RARB: variants seen among roughly 807,000 people sequenced by gnomAD.
RARB encodes the protein retinoic acid receptor beta.
RARB carries 17 observed loss-of-function variants against 51.9 expected under a neutral mutation model. That is an observed-to-expected ratio of 0.33 (90% CI 0.22 to 0.49). The LOEUF (loss-of-function observed/expected upper bound fraction) is 0.49. RARB is among the 20% of genes least tolerant of loss of function. The pLI is 0.99. For missense variants in RARB, 369 were observed against 550.8 expected, an observed-to-expected ratio of 0.67 and a Z score of 3.30; for synonymous variants, 215 against 195.4, an observed-to-expected ratio of 1.10 and a Z score of -0.84.
chr3:25,448,728 A>T (rs1179812334), intron 1 of RARB, among the ~76,000 whole-genome samples: 1 of 152,118 alleles, frequency 6.6e-6, no homozygotes, highest in East Asian at 1.9e-4. Context: ...TGGCCTCCCA[A>T]ACTGCTGAGA....
chr3:25,003,197 A>AAAAAAAAC (rs1470758111), intron 2 of RARB, among the ~76,000 whole-genome samples: 1 of 151,130 alleles, frequency 6.6e-6, no homozygotes, highest in East Asian at 1.9e-4. Flanking sequence ...CATAATGCAA[A>AAAAAAAAC]AAAAAAAAAA....
At chr3:25,115,267 C>A (rs537866896) in intron 3 of RARB, among the ~76,000 whole-genome samples, 2 of 152,220 alleles carry the variant, frequency 1.3e-5, no homozygotes, top group South Asian at 2.1e-4. Context: ...TAACATTTAA[C>A]ATAAATATTT....
chr3:24,885,423 T>C (rs1165009176), intron 2 of RARB, among the ~76,000 whole-genome samples: 1 of 152,202 alleles, frequency 6.6e-6, no homozygotes. Flanking sequence ...TGAGTTTTAA[T>C]GTTGCTGTAA....
At chr3:25,299,455 C>T (rs1703989720) in intron 5 of RARB, among the ~76,000 whole-genome samples, 1 of 152,100 alleles carries the variant, frequency 6.6e-6, no homozygotes, top group Admixed American at 6.5e-5. Flanking sequence ...CCACCTTGGC[C>T]TCCCAAATTG....
At chr3:25,368,425 T>G (rs1706195065) in intron 5 of RARB, among the ~76,000 whole-genome samples, 1 of 152,184 alleles carries the variant, frequency 6.6e-6, no homozygotes, top group Non-Finnish European at 1.5e-5. Flanking sequence ...TATATGTCAT[T>G]AAGATGTATA....
intron 3 of RARB, among the ~76,000 whole-genome samples, chr3:25,130,082 T>A (rs1559477069): frequency 4.6e-5 from 7 of 152,168 alleles, no homozygotes. Flanking sequence ...TAGGCAAAAA[T>A]GTTCTTTTCA....
At chr3:25,276,319 C>G (rs1703381791) in intron 5 of RARB, among the ~76,000 whole-genome samples, 1 of 152,110 alleles carries the variant, frequency 6.6e-6, no homozygotes, top group East Asian at 1.9e-4. Context: ...AATGTCTGTA[C>G]AGGTCTTTAG....
At chr3:25,043,156 C>G (rs1264738251) in intron 2 of RARB, among the ~76,000 whole-genome samples, 2 of 152,148 alleles carry the variant, frequency 1.3e-5, no homozygotes, top group Admixed American at 6.5e-5. Context: ...TCTCTTTCAT[C>G]TTTTTTTAAT....
chr3:25,409,250 T>C (rs1707495144), intron 5 of RARB, among the ~76,000 whole-genome samples: 1 of 152,178 alleles, frequency 6.6e-6, no homozygotes, highest in African/African-American at 2.4e-5. Flanking sequence ...AATTTTCACC[T>C]ATGTTTTCTT....
At chr3:25,314,547 C>G (rs1440669210) in intron 5 of RARB, among the ~76,000 whole-genome samples, 15 of 152,096 alleles carry the variant, frequency 9.9e-5, no homozygotes, top group Admixed American at 9.8e-4. Context: ...AGGTGAATGC[C>G]AGGTAAAATG....
At chr3:24,890,256 C>A (rs1270858089) in intron 2 of RARB, among the ~76,000 whole-genome samples, 2 of 152,136 alleles carry the variant, frequency 1.3e-5, no homozygotes, top group Non-Finnish European at 2.9e-5. Context: ...TCCTCTCTTC[C>A]CAGTTGGTGC....
chr3:25,136,829 T>C (rs1012573956), intron 4 of RARB, among the ~76,000 whole-genome samples: 6 of 151,882 alleles, frequency 4.0e-5, no homozygotes, highest in Non-Finnish European at 5.9e-5. Context: ...TCAGGAAACA[T>C]AGCGTTGGGG....
chr3:25,121,680 T>C (rs575761085), intron 3 of RARB, among the ~76,000 whole-genome samples: 4 of 152,202 alleles, frequency 2.6e-5, no homozygotes, highest in Admixed American at 1.3e-4. Context: ...TGTATTTTGA[T>C]ATCCAGTAAC....
chr3:25,273,618 G>C (rs534989277), intron 5 of RARB, among the ~76,000 whole-genome samples: 4 of 152,270 alleles, frequency 2.6e-5, no homozygotes, highest in African/African-American at 9.6e-5. Context: ...CAGGCAGAAG[G>C]GAAAGTCTGC....
chr3:25,233,908 T>C (rs1702243085), intron 5 of RARB, among the ~76,000 whole-genome samples: 2 of 152,052 alleles, frequency 1.3e-5, no homozygotes, highest in Admixed American at 1.3e-4. Context: ...TGAGCTATCC[T>C]TGTGTCCCCA....
At chr3:25,544,051 C>A (rs1196864277) in intron 3 of RARB, among the ~76,000 whole-genome samples, 1 of 152,038 alleles carries the variant, frequency 6.6e-6, no homozygotes, top group Non-Finnish European at 1.5e-5. Context: ...AATGGCTATA[C>A]AAAATTAATT....
chr3:25,235,750 G>C (rs1209793776), intron 5 of RARB, among the ~76,000 whole-genome samples: 1 of 152,176 alleles, frequency 6.6e-6, no homozygotes, highest in Non-Finnish European at 1.5e-5. Flanking sequence ...ACAGGAGATG[G>C]AAAGGCTTTG....
At chr3:25,001,442 T>C (rs377699574) in intron 2 of RARB, among the ~76,000 whole-genome samples, 8 of 152,108 alleles carry the variant, frequency 5.3e-5, no homozygotes, top group African/African-American at 1.9e-4. Flanking sequence ...GTGGATACTT[T>C]TGCCCTTATC....
chr3:25,461,489 C>A, intron 2 of RARB, 148 bp downstream of exon 2: 2 of 941,252 alleles, frequency 2.1e-6, no homozygotes, highest in Non-Finnish European at 3.0e-6. Flanking sequence ...GTTTTTATTA[C>A]TTCCTTATAT....
Sources: gnomAD v4.1 joint callset for allele counts (sites outside exome capture counted in the v4.1 genomes callset) on GRCh38, gnomAD v4.1.1 for gene constraint, MANE v1.5 for transcripts, NCBI Gene and HGNC (gene_info 2026-07-23, HGNC 2026-07-21) for gene names.